The following BABAM2 variants were observed in gnomAD, a reference collection of about 807,000 sequenced individuals.
BABAM2 encodes the protein BRISC and BRCA1-A complex member 2.
A neutral mutation model predicts 54.7 loss-of-function variants in BABAM2; 31 were observed. That is an observed-to-expected ratio of 0.57 (90% CI 0.43 to 0.77). The LOEUF (loss-of-function observed/expected upper bound fraction) is 0.77, where lower values mean the gene tolerates loss of function less well. Among genes scored for constraint, BABAM2 ranks in the 30% least tolerant of loss-of-function variants. The pLI is 0.00. For missense variants in BABAM2, 364 were observed against 455.8 expected, an observed-to-expected ratio of 0.80 and a Z score of 1.83; for synonymous variants, 167 against 162.9, an observed-to-expected ratio of 1.03 and a Z score of -0.19.
intron 10 of BABAM2, among the ~76,000 whole-genome samples, chr2:28,252,531 G>C (rs1189447304): frequency 6.6e-6 from 1 of 152,118 alleles, no homozygotes; most frequent in Non-Finnish European, 1.5e-5. Context: ...TCACTATTTT[G>C]ACTCAAATTG....
At chr2:27,940,662 G>A (rs1668804917) in intron 3 of BABAM2, among the ~76,000 whole-genome samples, 1 of 97,396 alleles carries the variant, frequency 1.0e-5, no homozygotes. Flanking sequence ...AATTATCTGT[G>A]GTTTAAACAA....
intron 7 of BABAM2, among the ~76,000 whole-genome samples, chr2:28,173,675 C>T (rs1431919300): frequency 6.6e-6 from 1 of 152,230 alleles, no homozygotes; most frequent in Admixed American, 6.5e-5. Context: ...CCTAATCTTT[C>T]CTTGCTGTTT....
chr2:28,141,049 T>C (rs1014061520), intron 7 of BABAM2, among the ~76,000 whole-genome samples: 2 of 152,154 alleles, frequency 1.3e-5, no homozygotes, highest in Non-Finnish European at 2.9e-5. Flanking sequence ...AAAGTACTTA[T>C]TCCATCATGG....
intron 3 of BABAM2, among the ~76,000 whole-genome samples, chr2:27,978,446 A>G (rs559921680): frequency 6.6e-6 from 1 of 152,274 alleles, no homozygotes; most frequent in East Asian, 1.9e-4. Flanking sequence ...GCAAAAATGG[A>G]CGGACACAAA....
intron 6 of BABAM2, among the ~76,000 whole-genome samples, chr2:28,058,899 A>G (rs547565466): frequency 1.3e-5 from 2 of 152,262 alleles, no homozygotes; most frequent in African/African-American, 4.8e-5. Context: ...TGGATTAGAG[A>G]GAAACAAACA....
intron 5 of BABAM2, 79 bp from the exon 6 acceptor site, chr2:28,045,646 A>C: frequency 7.8e-7 from 1 of 1,275,800 alleles, no homozygotes; most frequent in Non-Finnish European, 1.1e-6. Context: ...AACAGGTTGA[A>C]CTTGTGGCCT....
At chr2:28,002,060 TAAAAAA>T (rs5830060) in intron 4 of BABAM2, among the ~76,000 whole-genome samples, 1 of 140,084 alleles carries the variant, frequency 7.1e-6, no homozygotes, top group East Asian at 2.0e-4. Context: ...ATCAAACAGG[TAAAAAA>T]AAAAAAAAAA....
chr2:28,003,441 A>G (rs529368457), intron 4 of BABAM2, among the ~76,000 whole-genome samples: 1 of 152,260 alleles, frequency 6.6e-6, no homozygotes, highest in South Asian at 2.1e-4. Flanking sequence ...AAAAACAAAA[A>G]TTAGCCAGGC....
chr2:28,175,808 G>A (rs1030328619), intron 7 of BABAM2, among the ~76,000 whole-genome samples: 6 of 152,202 alleles, frequency 3.9e-5, no homozygotes, highest in Admixed American at 3.9e-4. Flanking sequence ...TAATGCCAAT[G>A]CACTCATACA....
intron 7 of BABAM2, among the ~76,000 whole-genome samples, chr2:28,160,808 G>T (rs1044098932): frequency 6.6e-6 from 1 of 151,402 alleles, no homozygotes; most frequent in Non-Finnish European, 1.5e-5. Context: ...ATGGGCAAAG[G>T]ATGCAGTCTG....
chr2:28,279,658 G>C (rs973141022), intron 10 of BABAM2, among the ~76,000 whole-genome samples: 1 of 146,168 alleles, frequency 6.8e-6, no homozygotes, highest in Non-Finnish European at 1.5e-5. Flanking sequence ...GCAGCTCAAA[G>C]GCTTTTTTTT....
intron 7 of BABAM2, among the ~76,000 whole-genome samples, chr2:28,202,780 A>C: frequency 6.6e-6 from 1 of 152,226 alleles, no homozygotes; most frequent in East Asian, 1.9e-4. Flanking sequence ...GAGAGAAAAC[A>C]AAGACTTAAA....
At chr2:28,038,262 TA>T (rs1355454645) in intron 5 of BABAM2, among the ~76,000 whole-genome samples, 1 of 152,120 alleles carries the variant, frequency 6.6e-6, no homozygotes, top group African/African-American at 2.4e-5. Flanking sequence ...GACTTAGCTT[TA>T]AAAAAAATTC....
chr2:27,963,916 T>C (rs1265082191), intron 3 of BABAM2, among the ~76,000 whole-genome samples: 3 of 152,250 alleles, frequency 2.0e-5, no homozygotes, highest in Admixed American at 6.5e-5. Flanking sequence ...AATTTCATTC[T>C]ATCCCAGTAG....
At chr2:27,930,447 T>C (rs1255307882) in intron 3 of BABAM2, 1 of 153,072 alleles carries the variant, frequency 6.5e-6, no homozygotes, top group South Asian at 2.0e-4. Context: ...AAGGGCTAGA[T>C]TGGTAATATA....
intron 7 of BABAM2, among the ~76,000 whole-genome samples, chr2:28,184,882 C>T (rs999044163): frequency 5.9e-5 from 9 of 152,090 alleles, no homozygotes; most frequent in South Asian, 4.1e-4. Flanking sequence ...AGGTAAAGTG[C>T]GTATACTACT....
chr2:28,162,190 G>A (rs956599934), intron 7 of BABAM2, among the ~76,000 whole-genome samples: 3 of 152,012 alleles, frequency 2.0e-5, no homozygotes, highest in African/African-American at 7.3e-5. Flanking sequence ...AATACCAGTG[G>A]GTGTTTAGGC....
At chr2:28,093,764 A>G (rs1666363487) in intron 6 of BABAM2, among the ~76,000 whole-genome samples, 1 of 152,206 alleles carries the variant, frequency 6.6e-6, no homozygotes, top group African/African-American at 2.4e-5. Flanking sequence ...CAGGCTTAGA[A>G]TAAGATTGGG....
At chr2:27,894,737 C>T in intron 2 of BABAM2, 53 bp downstream of exon 2, 1 of 1,600,540 alleles carries the variant, frequency 6.2e-7, no homozygotes. Flanking sequence ...CAACCTTTAC[C>T]TAATGACAGC....
Sources: allele counts gnomAD v4.1 joint callset (sites outside exome capture counted in the v4.1 genomes callset), GRCh38; gene constraint gnomAD v4.1.1; transcripts MANE v1.5; gene names NCBI Gene and HGNC (gene_info 2026-07-23, HGNC 2026-07-21).